PRKD1: variants seen among roughly 807,000 people sequenced by gnomAD.
The protein encoded by PRKD1 is protein kinase D1, also known as serine/threonine-protein kinase D1.
A neutral mutation model predicts 95.9 loss-of-function variants in PRKD1; 63 were observed. That is an observed-to-expected ratio of 0.66 (90% CI 0.54 to 0.81). PRKD1 has a LOEUF of 0.81. Ranked by LOEUF, PRKD1 falls within the 30% of genes least tolerant of loss-of-function variation. The probability of loss-of-function intolerance (pLI) is 0.00; values close to 1 mark genes in which losing one functional copy is unlikely to be tolerated. For missense variants in PRKD1, 1,048 were observed against 1,165.3 expected, an observed-to-expected ratio of 0.90 and a Z score of 1.47; for synonymous variants, 425 against 423.1, an observed-to-expected ratio of 1.00 and a Z score of -0.05.
At chr14:29,781,772 T>C (rs1029134953) in intron 1 of PRKD1, among the ~76,000 whole-genome samples, 1 of 152,184 alleles carries the variant, frequency 6.6e-6, no homozygotes, top group Non-Finnish European at 1.5e-5. Flanking sequence ...TTCCATAACA[T>C]ACCATAGAAC....
chr14:29,630,494 A>C (rs577714643), intron 10 of PRKD1: 1 of 499,904 alleles, frequency 2.0e-6, no homozygotes, highest in African/African-American at 1.9e-5. Context: ...TGCCTAATAC[A>C]TAGTGTTTAC....
intron 2 of PRKD1, among the ~76,000 whole-genome samples, chr14:29,670,513 C>T (rs891931895): frequency 6.6e-6 from 1 of 152,098 alleles, no homozygotes. Context: ...TATTTCTTTA[C>T]AATTATTGTG....
chr14:29,752,350 A>G (rs1432474982), intron 1 of PRKD1, among the ~76,000 whole-genome samples: 6 of 152,132 alleles, frequency 3.9e-5, no homozygotes, highest in Non-Finnish European at 8.8e-5. Flanking sequence ...TCCATTTAAC[A>G]AAAGGATAAT....
At chr14:29,896,239 C>G (rs1894119393) in intron 1 of PRKD1, among the ~76,000 whole-genome samples, 1 of 152,008 alleles carries the variant, frequency 6.6e-6, no homozygotes, top group Admixed American at 6.6e-5. Flanking sequence ...GGAGGTTTTC[C>G]TATGTAATTA....
intron 4 of PRKD1, chr14:29,652,776 G>C (rs1881594202): frequency 6.6e-6 from 1 of 152,176 alleles, no homozygotes; most frequent in African/African-American, 2.4e-5. Flanking sequence ...TGGAATTCCA[G>C]AACACAAGAG....
At chr14:29,871,119 A>C (rs1159987796) in intron 1 of PRKD1, among the ~76,000 whole-genome samples, 5 of 152,162 alleles carry the variant, frequency 3.3e-5, no homozygotes, top group African/African-American at 1.2e-4. Context: ...AACTTTACTG[A>C]GGACTGTCAT....
At chr14:29,716,830 A>G (rs1489697841) in intron 2 of PRKD1, among the ~76,000 whole-genome samples, 1 of 152,230 alleles carries the variant, frequency 6.6e-6, no homozygotes, top group Non-Finnish European at 1.5e-5. Flanking sequence ...ACAATCCAGG[A>G]ATCATAGAAA....
At chr14:29,796,156 T>C (rs937904171) in intron 1 of PRKD1, among the ~76,000 whole-genome samples, 2 of 152,170 alleles carry the variant, frequency 1.3e-5, no homozygotes, top group Non-Finnish European at 2.9e-5. Context: ...GTTAGGTATA[T>C]AACCTTAAAT....
chr14:29,830,632 G>C (rs950570340), intron 1 of PRKD1, among the ~76,000 whole-genome samples: 4 of 151,524 alleles, frequency 2.6e-5, no homozygotes, highest in African/African-American at 9.7e-5. Flanking sequence ...GCACAACTGG[G>C]AGTCATAAAT....
intron 2 of PRKD1, among the ~76,000 whole-genome samples, chr14:29,681,016 G>A (rs982769469): frequency 6.6e-6 from 1 of 152,168 alleles, no homozygotes; most frequent in Non-Finnish European, 1.5e-5. Context: ...GTTAGTTACA[G>A]ACGCTTGTAA....
At chr14:29,594,742 C>T (rs557791627) in intron 16 of PRKD1, among the ~76,000 whole-genome samples, 1 of 152,168 alleles carries the variant, frequency 6.6e-6, no homozygotes, top group Non-Finnish European at 1.5e-5. Flanking sequence ...CTGTGACCAC[C>T]CTGTGCCAGA....
intron 1 of PRKD1, among the ~76,000 whole-genome samples, chr14:29,862,619 A>G (rs949880823): frequency 2.6e-5 from 4 of 152,268 alleles, no homozygotes; most frequent in African/African-American, 2.4e-5. Flanking sequence ...CTGATGATCA[A>G]TGATGTTTAG....
intron 4 of PRKD1, among the ~76,000 whole-genome samples, chr14:29,644,694 T>C (rs1330091620): frequency 6.6e-6 from 1 of 152,144 alleles, no homozygotes; most frequent in African/African-American, 2.4e-5. Context: ...TATCATTATC[T>C]AGTTCAGCCG....
At chr14:29,731,031 T>C (rs1886409175) in intron 1 of PRKD1, among the ~76,000 whole-genome samples, 1 of 152,120 alleles carries the variant, frequency 6.6e-6, no homozygotes, top group South Asian at 2.1e-4. Flanking sequence ...AAAAGGTAAG[T>C]AAGTGAGGTA....
chr14:29,653,427 T>C (rs946632790), intron 4 of PRKD1, among the ~76,000 whole-genome samples: 10 of 152,296 alleles, frequency 6.6e-5, no homozygotes, highest in Non-Finnish European at 1.0e-4. Context: ...CTTAAAAACA[T>C]TTAAGATAAC....
chr14:29,718,300 G>A (rs1288797171), intron 2 of PRKD1, among the ~76,000 whole-genome samples: 1 of 152,098 alleles, frequency 6.6e-6, no homozygotes, highest in African/African-American at 2.4e-5. Flanking sequence ...TTTTATAGAT[G>A]GTAGTTTTCC....
At chr14:29,802,683 C>G (rs148950819) in intron 1 of PRKD1, among the ~76,000 whole-genome samples, 1 of 152,182 alleles carries the variant, frequency 6.6e-6, no homozygotes, top group Admixed American at 6.5e-5. Context: ...ATCAAATTAT[C>G]CAAGGAAAAG....
At chr14:29,676,057 A>T (rs988875727) in intron 2 of PRKD1, among the ~76,000 whole-genome samples, 7 of 152,022 alleles carry the variant, frequency 4.6e-5, no homozygotes, top group East Asian at 1.9e-4. Flanking sequence ...GCAGCACACC[A>T]ACATGGCATA....
chr14:29,855,887 T>C (rs1892480466), intron 1 of PRKD1, among the ~76,000 whole-genome samples: 1 of 152,200 alleles, frequency 6.6e-6, no homozygotes, highest in Non-Finnish European at 1.5e-5. Context: ...TCCTTCTTGC[T>C]TTCCACCATG....
Sources: gnomAD v4.1 joint callset for allele counts (sites outside exome capture counted in the v4.1 genomes callset) on GRCh38, gnomAD v4.1.1 for gene constraint, MANE v1.5 for transcripts, NCBI Gene and HGNC (gene_info 2026-07-23, HGNC 2026-07-21) for gene names.